The following PIK3CA variants were observed in gnomAD, a reference collection of about 807,000 sequenced individuals.
PIK3CA encodes the protein phosphatidylinositol 4,5-bisphosphate 3-kinase catalytic subunit alpha isoform.
Under a neutral mutation model 138.2 loss-of-function variants are expected in PIK3CA, and 27 were observed. The observed-to-expected ratio is 0.20, with a 90% CI of 0.14 to 0.27. The LOEUF is 0.27. Ranked by LOEUF, PIK3CA falls within the 10% of genes least tolerant of loss-of-function variation. The pLI is 1.00. For missense variants in PIK3CA, 544 were observed against 1,277.4 expected, an observed-to-expected ratio of 0.43 and a Z score of 8.75; for synonymous variants, 358 against 413.2, an observed-to-expected ratio of 0.87 and a Z score of 1.62.
intron 1 of PIK3CA, among the ~76,000 whole-genome samples, chr3:179,188,910 G>T (rs915441812): frequency 2.0e-5 from 3 of 151,990 alleles, no homozygotes; most frequent in Non-Finnish European, 1.5e-5. Flanking sequence ...GCTGAAATTT[G>T]AATTTTTAAA....
chr3:179,177,312 C>CTTTTTT lies in PIK3CA; in HGVS notation c.-76-21425_-76-21420dup, dbSNP rs11328702. Among the ~76,000 whole-genome samples, 4 of 91,030 alleles carry CTTTTTT rather than the reference C, an allele frequency of 4.4e-5. 1 individual carries two copies. The highest frequency in any genetic ancestry group is 4.4e-5 in the African/African-American group (1 of 22,702). 59.7% of individuals were successfully genotyped at this position (91,030 alleles called of 152,430 possible). On this transcript the variant is annotated intron_variant, in intron 1 of 20. Transcript: ENST00000263967. ...TATTATAGCATTAATATTCTCTTTT[C>CTTTTTT]TTTTTTTTTTTTTTTTTTGAGATGG...
chr3:179,227,915 G>A (rs1001249098), intron 17 of PIK3CA, among the ~76,000 whole-genome samples: 1 of 152,044 alleles, frequency 6.6e-6, no homozygotes, highest in Non-Finnish European at 1.5e-5. Context: ...AAGTATTATG[G>A]TTGTATCAAA....
Position 179,210,337 on chromosome 3 carries a change from A to G in PIK3CA, c.1403A>G (p.Lys468Arg). The G allele has an allele frequency of 1.3e-6, 2 of 1,586,128 alleles. No individual in the cohort carries two copies. Among genetic ancestry groups the G allele is most frequent in the Non-Finnish European group, 1.7e-6 (2 of 1,172,484 alleles). The change falls in exon 8 of 21, where the codon AAA becomes AGA. Residue 468 changes from lysine (K) to arginine (R), a missense_variant and splice_region_variant. Coordinates refer to ENST00000263967, the MANE Select transcript of PIK3CA (RefSeq NM_006218.4). ...PIGVTGSNPN[K>R]ETPCLELEFD... ...GGTGTTACTGGATCAAATCCAAATAAAGTAAGGTTTTTATTGTCATAAATT... is the reference window on the plus strand; with the variant it reads ...GGTGTTACTGGATCAAATCCAAATAGAGTAAGGTTTTTATTGTCATAAATT...
At chr3:179,228,211 A>G (rs1725127101) in intron 17 of PIK3CA, among the ~76,000 whole-genome samples, 3 of 152,016 alleles carry the variant, frequency 2.0e-5, no homozygotes, top group South Asian at 2.1e-4. Flanking sequence ...CGCTGAACCT[A>G]ATAGAGTCCC....
chr3:179,184,122 ATTTTTAAGCTAATC>A (rs1406392482), intron 1 of PIK3CA, among the ~76,000 whole-genome samples: 1 of 152,180 alleles, frequency 6.6e-6, no homozygotes, highest in African/African-American at 2.4e-5. Flanking sequence ...AGTATTCCAT[ATTTTTAAGCTAATC>A]TTTTTATTTG....
At chr3:179,196,568 A>G (rs1460894363) in intron 1 of PIK3CA, among the ~76,000 whole-genome samples, 3 of 152,102 alleles carry the variant, frequency 2.0e-5, no homozygotes, top group Admixed American at 1.3e-4. Context: ...ATCAAAAAAT[A>G]TTTTTCTTAT....
intron 9 of PIK3CA, among the ~76,000 whole-genome samples, chr3:179,215,439 G>C (rs1007326872): frequency 1.2e-4 from 19 of 152,070 alleles, no homozygotes; most frequent in African/African-American, 3.4e-4. Context: ...TGGAATCTTA[G>C]TTTTTCTGTA....
chr3:179,158,040 C>A (rs1250817754), intron 1 of PIK3CA, among the ~76,000 whole-genome samples: 1 of 152,072 alleles, frequency 6.6e-6, no homozygotes, highest in African/African-American at 2.4e-5. Flanking sequence ...AACCATGTTA[C>A]ATTCATCCAT....
intron 1 of PIK3CA, among the ~76,000 whole-genome samples, chr3:179,183,530 T>G (rs1255474321): frequency 6.6e-6 from 1 of 152,206 alleles, no homozygotes; most frequent in Non-Finnish European, 1.5e-5. Context: ...ATTTGGCATT[T>G]GAAATGAGCA....
chr3:179,222,692 T>G lies in PIK3CA; in HGVS notation c.2188-1389T>G, dbSNP rs570599473. On this transcript the variant is annotated intron_variant, in intron 14 of 20. Coordinates refer to ENST00000263967, the MANE Select transcript of PIK3CA (RefSeq NM_006218.4). ...TGGCTGACTGGGAGCTGCGGCTCGC[T>G]GCTGCTACCCAGCATCTCAAGAAAA... Among the ~76,000 whole-genome samples the G allele has an allele frequency of 2.6e-4, 40 of 152,340 alleles. 1 individual carries two copies. Among genetic ancestry groups the G allele is most frequent in the African/African-American group, 9.6e-4 (40 of 41,590 alleles).
chr3:179,205,866 A>G (rs1210585096), intron 6 of PIK3CA, among the ~76,000 whole-genome samples: 3 of 152,112 alleles, frequency 2.0e-5, no homozygotes. Flanking sequence ...AGTAAATCTC[A>G]TAATGAATTT....
rs1186159096 is a variant in PIK3CA, at chr3:179,239,723, C to CA, written c.*5361dup. On this transcript the variant is annotated 3_prime_UTR_variant, in exon 21 of 21. Transcript: ENST00000263967. ...TCAGATGTTCACCTGGAAGCTTTATCAAGAAATTCGAACCACCCTTTTGGC... is the reference window on the plus strand; with the variant it reads ...TCAGATGTTCACCTGGAAGCTTTATCAAAGAAATTCGAACCACCCTTTTGGC... 2.8e-6 allele frequency: 1 copy of CA among 359,414 alleles called. No homozygotes were observed. The highest frequency in any genetic ancestry group is 2.1e-5 in the African/African-American group (1 of 47,666). 22.3% of individuals were successfully genotyped at this position (359,414 alleles called of 1,614,324 possible).
At chr3:179,185,263 T>A (rs1428647453) in intron 1 of PIK3CA, among the ~76,000 whole-genome samples, 1 of 152,228 alleles carries the variant, frequency 6.6e-6, no homozygotes, top group Non-Finnish European at 1.5e-5. Context: ...AGAAACATCT[T>A]GCCTTCAGCT....
chr3:179,188,500 T>A (rs1466066764), intron 1 of PIK3CA, among the ~76,000 whole-genome samples: 1 of 152,244 alleles, frequency 6.6e-6, no homozygotes, highest in African/African-American at 2.4e-5. Flanking sequence ...TTTAGTTCTG[T>A]ATTTTGAAAT....
rs755969956 is a variant in PIK3CA, at chr3:179,199,773, G to A, written c.436G>A (p.Val146Ile). Reference protein sequence around the residue: ...VQDFRRNILNVCKEAVDLRDL... With the variant: ...VQDFRRNILNICKEAVDLRDL... The stretch of plus-strand genomic sequence containing the variant: ...GGACTTCCGAAGAAATATTCTGAAC[G>A]TTTGTAAAGAAGCTGTGGATCTTAG... The change falls in exon 3 of 21, where the codon GTT (valine) becomes ATT (isoleucine). Residue 146 changes from valine (V) to isoleucine (I), a missense_variant. Physicochemically the swap from Val to Ile is conservative, Grantham distance 29. This residue lies in a region of PIK3CA where 234 missense variants were observed against 401.3 expected (regional missense o/e 0.58). Coordinates refer to ENST00000263967, the MANE Select transcript of PIK3CA (RefSeq NM_006218.4). 2.2e-5 allele frequency: 36 copies of A among 1,612,928 alleles called. No homozygotes were observed. The highest frequency in any genetic ancestry group is 1.7e-4 in the Admixed American group (10 of 60,012).
At chr3:179,199,974 CT>C (rs762831149) in intron 3 of PIK3CA, 75 bp downstream of exon 3, 97,393 of 637,664 alleles carry the variant, frequency 0.15, 4 homozygotes, top group East Asian at 0.26. Context: ...TTTGTATAGT[CT>C]TTTTTTTTTT....
At position 179,221,173 on chromosome 3, in the gene PIK3CA, TTG is replaced by T. The variant is rs753729706; in HGVS notation, c.2187+20_2187+21del. On this transcript the variant is annotated intron_variant, in intron 14 of 20. Transcript: ENST00000263967. ...AACACAAAAGGTGTGTGACTCTAGT[TTG>T]TGTTTGAGACTCTTTTCACTGCAGT... 1 of 1,605,386 alleles carries T rather than the reference TTG, an allele frequency of 6.2e-7. No homozygotes were observed. The highest frequency in any genetic ancestry group is 1.3e-5 in the African/African-American group (1 of 74,766).
intron 18 of PIK3CA, among the ~76,000 whole-genome samples, chr3:179,229,742 A>G (rs1725171141): frequency 6.6e-6 from 1 of 152,192 alleles, no homozygotes; most frequent in African/African-American, 2.4e-5. Context: ...TCATTGTTAA[A>G]ATGATTAGAA....
chr3:179,197,250 G>A (rs1724289969), intron 1 of PIK3CA, among the ~76,000 whole-genome samples: 1 of 152,114 alleles, frequency 6.6e-6, no homozygotes, highest in Admixed American at 6.5e-5. Flanking sequence ...TGTTGGTCAG[G>A]CTGGTCTCAA....
Sources: allele counts gnomAD v4.1 joint callset (sites outside exome capture counted in the v4.1 genomes callset), GRCh38; gene constraint gnomAD v4.1.1; regional missense constraint gnomAD v4.1.1; transcripts MANE v1.5; gene names NCBI Gene and HGNC (gene_info 2026-07-23, HGNC 2026-07-21).